The following PXDNL variants were observed in gnomAD, a reference collection of about 807,000 sequenced individuals.
The protein encoded by PXDNL is probable oxidoreductase PXDNL.
Under a neutral mutation model 150.8 loss-of-function variants are expected in PXDNL, and 145 were observed. That is an observed-to-expected ratio of 0.96 (90% CI 0.84 to 1.10). The LOEUF (loss-of-function observed/expected upper bound fraction) is 1.10, where lower values mean the gene tolerates loss of function less well. Ranked by LOEUF, PXDNL falls within the 50% of genes least tolerant of loss-of-function variation. The probability of loss-of-function intolerance (pLI) is 0.00; values close to 1 mark genes in which losing one functional copy is unlikely to be tolerated. For synonymous variants in PXDNL, 757 were observed against 725.7 expected, an observed-to-expected ratio of 1.04 and a Z score of -0.69; for missense variants, 2,087 against 1,873.9, an observed-to-expected ratio of 1.11 and a Z score of -2.10.
rs180776942 is a variant in PXDNL, at chr8:51,628,727, A to T, written c.236+25962T>A. On this transcript the variant is annotated intron_variant, in intron 2 of 22. Coordinates refer to ENST00000356297, the MANE Select transcript of PXDNL (RefSeq NM_144651.5). ...CTCTGTTTTCTTGTTTTTATTTTTC[A>T]TTTTGATTCCTGGCATTAGGGAAAT... Among the ~76,000 whole-genome samples, 731 of 151,718 alleles carry T rather than the reference A, an allele frequency of 4.8e-3. 4 individuals carry two copies. The highest frequency in any genetic ancestry group is 0.017 in the African/African-American group (685 of 41,396).
chr8:51,737,627 A>G (rs1304414655), intron 1 of PXDNL, among the ~76,000 whole-genome samples: 1 of 152,006 alleles, frequency 6.6e-6, no homozygotes, highest in Admixed American at 6.5e-5. Context: ...TAACCAACTC[A>G]TGGCCAAGAC....
intron 4 of PXDNL, among the ~76,000 whole-genome samples, chr8:51,507,559 G>T (rs1811320398): frequency 6.6e-6 from 1 of 152,202 alleles, no homozygotes; most frequent in African/African-American, 2.4e-5. Flanking sequence ...AAGATTCAAA[G>T]AAATGAAATT....
At chr8:51,446,910 A>G (rs1809689601) in intron 12 of PXDNL, 94 bp downstream of exon 12, 2 of 939,270 alleles carry the variant, frequency 2.1e-6, no homozygotes, top group Non-Finnish European at 3.3e-6. Context: ...ATATATATAT[A>G]GTCATATATG....
At chr8:51,458,320 A>C (rs972211080) in intron 8 of PXDNL, among the ~76,000 whole-genome samples, 1 of 152,212 alleles carries the variant, frequency 6.6e-6, no homozygotes, top group African/African-American at 2.4e-5. Context: ...ATCAATAATC[A>C]TAAGAAAGGG....
chr8:51,638,249 C>A (rs975946124), intron 2 of PXDNL, among the ~76,000 whole-genome samples: 1 of 152,084 alleles, frequency 6.6e-6, no homozygotes, highest in Non-Finnish European at 1.5e-5. Flanking sequence ...CAAAAACATG[C>A]CAAATTGTAA....
At chr8:51,536,681 G>C (rs1025132784) in intron 4 of PXDNL, among the ~76,000 whole-genome samples, 3 of 149,138 alleles carry the variant, frequency 2.0e-5, no homozygotes, top group African/African-American at 7.4e-5. Flanking sequence ...TTCTTTCTTC[G>C]TAATATATCA....
chr8:51,403,088 C>CAA (rs201970177), intron 17 of PXDNL, among the ~76,000 whole-genome samples: 35 of 52,840 alleles, frequency 6.6e-4, no homozygotes, highest in Non-Finnish European at 1.2e-3. Flanking sequence ...ACTCCCTCTC[C>CAA]AAAAAAAAAA....
intron 2 of PXDNL, among the ~76,000 whole-genome samples, chr8:51,632,730 G>C (rs1814517568): frequency 6.6e-6 from 1 of 152,102 alleles, no homozygotes; most frequent in African/African-American, 2.4e-5. Context: ...TAAGTCCAAA[G>C]TATTAATAAG....
At chr8:51,370,493 G>T (rs1807066976) in intron 19 of PXDNL, among the ~76,000 whole-genome samples, 1 of 152,174 alleles carries the variant, frequency 6.6e-6, no homozygotes, top group South Asian at 2.1e-4. Context: ...CATTATTCCT[G>T]GATCTAATCA....
At chr8:51,441,717 T>C (rs143543373) in intron 12 of PXDNL, among the ~76,000 whole-genome samples, 3 of 152,292 alleles carry the variant, frequency 2.0e-5, no homozygotes, top group Admixed American at 6.5e-5. Flanking sequence ...GTGGTATCCA[T>C]AGAAAATGGT....
chr8:51,610,731 C>T (rs928330882), intron 2 of PXDNL, among the ~76,000 whole-genome samples: 7 of 152,186 alleles, frequency 4.6e-5, no homozygotes, highest in Non-Finnish European at 8.8e-5. Flanking sequence ...CTCTTCCAAA[C>T]TCTTTCAAGT....
intron 1 of PXDNL, among the ~76,000 whole-genome samples, chr8:51,798,091 T>C (rs1288813727): frequency 6.6e-6 from 1 of 152,168 alleles, no homozygotes; most frequent in East Asian, 1.9e-4. Context: ...ATTCTCTATT[T>C]ATTAAAAGGT....
rs766900579 is a variant in PXDNL at position 51,447,044 on chromosome 8, C to T, written c.1485G>A (p.Gly495=). The change falls in exon 12 of 23, where the codon GGG becomes GGA. Residue 495 remains glycine (G), a synonymous_variant. Coordinates refer to ENST00000356297, the MANE Select transcript of PXDNL (RefSeq NM_144651.5). ...QYECQAVSSL[G]VKKVSVQLTV... is the part of the protein sequence containing the mutation. ...TCAGCTGCACAGACACCTTTTTCACCCCCAACGAACTGACTGCTTGACATT... is the reference window on the plus strand; with the variant it reads ...TCAGCTGCACAGACACCTTTTTCACTCCCAACGAACTGACTGCTTGACATT... 6.2e-7 allele frequency: 1 copy of T among 1,613,878 alleles called. No homozygotes were observed. Among genetic ancestry groups the T allele is most frequent in the African/African-American group, 1.3e-5 (1 of 74,998 alleles).
At chr8:51,468,943 A>G (rs187979289) in intron 8 of PXDNL, among the ~76,000 whole-genome samples, 162 of 152,122 alleles carry the variant, frequency 1.1e-3, no homozygotes, top group African/African-American at 3.6e-3. Context: ...ATATTTATCA[A>G]CATGTTTAAA....
chr8:51,499,557 A>T, intron 5 of PXDNL, 142 bp downstream of exon 5: 1 of 588,702 alleles, frequency 1.7e-6, no homozygotes, highest in Non-Finnish European at 3.1e-6. Context: ...GCTTTATATT[A>T]ACTCTGTTTT....
Position 51,637,972 on chromosome 8 carries a change from G to A in PXDNL, c.236+16717C>T, listed in dbSNP as rs575277632. 5.8e-4 allele frequency among the ~76,000 whole-genome samples: 88 copies of A among 152,282 alleles called. 2 individuals are homozygous for A. The highest frequency in any genetic ancestry group is 2.1e-3 in the African/African-American group (87 of 41,566). On this transcript the variant is annotated intron_variant, in intron 2 of 22. Transcript: ENST00000356297. ...GAGAGAAAGGTCGGGTTACCCACAA[G>A]GGGAAGCCCATCAGACTAACGGCAG...
chr8:51,618,913 T>C (rs1047569271), intron 2 of PXDNL, among the ~76,000 whole-genome samples: 2 of 152,252 alleles, frequency 1.3e-5, no homozygotes, highest in Admixed American at 6.5e-5. Flanking sequence ...TCCAGCATTC[T>C]TTTACGCAGG....
At chr8:51,650,188 A>C (rs906873935) in intron 2 of PXDNL, among the ~76,000 whole-genome samples, 1 of 151,996 alleles carries the variant, frequency 6.6e-6, no homozygotes, top group African/African-American at 2.4e-5. Context: ...TTTATTATAT[A>C]CAGCAAAATA....
At chr8:51,797,023 G>A (rs1301476183) in intron 1 of PXDNL, among the ~76,000 whole-genome samples, 2 of 152,134 alleles carry the variant, frequency 1.3e-5, no homozygotes, top group Non-Finnish European at 2.9e-5. Flanking sequence ...GTCAACATAT[G>A]CAAATTAGTA....
Sources: allele counts gnomAD v4.1 joint callset (sites outside exome capture counted in the v4.1 genomes callset), GRCh38; gene constraint gnomAD v4.1.1; transcripts MANE v1.5; gene names NCBI Gene and HGNC (gene_info 2026-07-23, HGNC 2026-07-21).